Variants in COL16A1 observed in about 807,000 individuals in gnomAD.
COL16A1 encodes the protein collagen alpha-1(XVI) chain.
Under a neutral mutation model 266.3 loss-of-function variants are expected in COL16A1, and 189 were observed. The ratio of observed to expected loss-of-function variants is 0.71; its 90% CI spans 0.63 to 0.80. The LOEUF (loss-of-function observed/expected upper bound fraction) is 0.80. COL16A1 is among the 30% of genes least tolerant of loss of function. The pLI, the probability that COL16A1 is intolerant of heterozygous loss-of-function variation, is 0.00. For synonymous variants in COL16A1, 740 were observed against 782.3 expected, an observed-to-expected ratio of 0.95 and a Z score of 0.90; for missense variants, 1,928 against 2,122.4, an observed-to-expected ratio of 0.91 and a Z score of 1.80.
At chr1:31,677,660 GC>G (rs1643301071) in intron 42 of COL16A1, among the ~76,000 whole-genome samples, 1 of 152,210 alleles carries the variant, frequency 6.6e-6, no homozygotes, top group Admixed American at 6.5e-5. Context: ...AGATAACTAA[GC>G]ACTGGGACAA....
chr1:31,653,819 G>GC (rs1405696496), intron 69 of COL16A1, 48 bp downstream of exon 69: 5 of 1,582,592 alleles, frequency 3.2e-6, no homozygotes, highest in Non-Finnish European at 4.3e-6. Context: ...ACTTAGGCCT[G>GC]CCCCAAAGAA....
chr1:31,679,232 T>C, intron 42 of COL16A1: 1 of 604,808 alleles, frequency 1.7e-6, no homozygotes, highest in South Asian at 2.5e-5. Flanking sequence ...GCAGGGACTT[T>C]TATTTTTAGC....
chr1:31,684,396 C>G, intron 31 of COL16A1, 127 bp downstream of exon 31: 5 of 1,500,048 alleles, frequency 3.3e-6, no homozygotes, highest in Non-Finnish European at 4.4e-6. Context: ...CCCCGAGGAG[C>G]CTCCGCTCAG....
In COL16A1 at chr1:31,692,798, C is replaced by T. The variant is rs147540879; in HGVS notation, c.1082G>A (p.Cys361Tyr). 1.2e-4 allele frequency: 200 copies of T among 1,613,838 alleles called. No homozygotes were observed. The African/African-American group carries it at 1.8e-3, about 14-fold the overall frequency. Residue 361 changes from cysteine to tyrosine, a missense_variant, in exon 14 of 71, where the codon TGT (cysteine) becomes TAT (tyrosine). Cys to Tyr is a radical substitution (Grantham distance 194, BLOSUM62 -2). Transcript: ENST00000373672. ...TGGGGCATCCGGGGAGATTCGAACA[C>T]AGTCATTGCCCTGGGAGTAGGGAAC... is the stretch of plus-strand genomic sequence containing the variant. ...KGEKGARGND[C>Y]VRISPDAPLQ...
chr1:31,656,356 C>T lies in COL16A1; in HGVS notation c.4101+44G>A, dbSNP rs1270409285. 6.2e-7 allele frequency: 1 copy of T among 1,608,784 alleles called. No individual in the cohort carries two copies. On this transcript the variant is annotated intron_variant, in intron 66 of 70. Transcript: ENST00000373672. This position sits in a 1 kb window ranked among gnomAD's most constrained non-coding sequence, Gnocchi z 4.2. Reference sequence around the variant, plus strand: ...CCGTAACTTGCAGCTGGGCTTCATCCACTCGTGAGCTTCTCCTCTCAAGCC... The same window carrying T: ...CCGTAACTTGCAGCTGGGCTTCATCTACTCGTGAGCTTCTCCTCTCAAGCC...
chr1:31,674,413 G>T (rs573465965), intron 44 of COL16A1, among the ~76,000 whole-genome samples: 1 of 152,230 alleles, frequency 6.6e-6, no homozygotes, highest in East Asian at 1.9e-4. Context: ...ATTCCAATAG[G>T]AACTTCTGCT....
intron 66 of COL16A1, 22 bp from the exon 67 acceptor site, chr1:31,655,524 G>T: frequency 2.5e-6 from 4 of 1,611,608 alleles, no homozygotes; most frequent in Non-Finnish European, 3.4e-6. Flanking sequence ...GATACTTAGT[G>T]CTGTCAAATT....
rs961147176 is a variant in COL16A1 at position 31,656,525 on chromosome 1, C to A, written c.4057-81G>T. On this transcript the variant is annotated intron_variant, in intron 65 of 70. Transcript: ENST00000373672. The surrounding 1 kb of genome is among the most constrained non-coding windows in gnomAD (Gnocchi z 4.2). ...GGGGAGGCAGGTGCAGTGAAGAGGC[C>A]CCTTCCACAGCCTGAGGCCCCCAGG... 1.2e-5 allele frequency: 19 copies of A among 1,562,542 alleles called. No individual in the cohort carries two copies. In the African/African-American group the frequency reaches 2.3e-4, roughly 19 times the overall value.
chr1:31,701,336 A>G (rs1644716071), intron 2 of COL16A1: 1 of 985,276 alleles, frequency 1.0e-6, no homozygotes, highest in South Asian at 4.7e-5. Flanking sequence ...TCACGCACAC[A>G]CAAGCAGAAA....
Position 31,672,807 on chromosome 1 carries a change from C to A in COL16A1, c.2893G>T (p.Ala965Ser), listed in dbSNP as rs778849547. Residue 965 changes from alanine to serine, a missense_variant, in exon 45 of 71, where the codon GCC (alanine) becomes TCC (serine). By Grantham distance (99) the Ala-to-Ser change is moderately conservative. Around this residue, in one of 2 missense-constraint regions of COL16A1, gnomAD observed 1,552 missense variants for 1,637.2 expected, o/e 0.95. Transcript: ENST00000373672. ...TTCTCCACGAGGTACCCTGGGTGGG[C>A]CCTCTGCCCCTGGACACAGTCCCCG... The part of the protein sequence containing the change: ...ICGDCVQGQR[A>S]HPGYLVEKGE... The A allele has an allele frequency of 6.2e-7, 1 of 1,614,096 alleles. No homozygotes were observed. The highest frequency in any genetic ancestry group is 1.1e-5 in the South Asian group (1 of 91,084).
At position 31,662,416 on chromosome 1, in the gene COL16A1, T is replaced by G. The variant is rs1471649432; in HGVS notation, c.3628-29A>C. On this transcript the variant is annotated intron_variant, in intron 57 of 70. Coordinates refer to ENST00000373672, the MANE Select transcript of COL16A1 (RefSeq NM_001856.4). Reference sequence around the variant, plus strand: ...GAAACAGGAAAGAGGCATTTCTACATGCTGGTGCGGGAGCCCTAGGAGGTG... The same window carrying G: ...GAAACAGGAAAGAGGCATTTCTACAGGCTGGTGCGGGAGCCCTAGGAGGTG... The G allele has an allele frequency of 3.2e-6, 5 of 1,569,506 alleles. No homozygotes were observed. In the South Asian group the frequency reaches 5.6e-5, roughly 18 times the overall value.
chr1:31,699,741 C>A lies in COL16A1; in HGVS notation c.266+72G>T, dbSNP rs974255009. Reference sequence around the variant, plus strand: ...ACAGACAGGCCCCTGGGCTTAAGCCCCACATCTGGAGTTGCTGAGGAGTGT... The same window carrying A: ...ACAGACAGGCCCCTGGGCTTAAGCCACACATCTGGAGTTGCTGAGGAGTGT... On this transcript the variant is annotated intron_variant, in intron 4 of 70. Transcript: ENST00000373672. The A allele has an allele frequency of 2.2e-5, 22 of 1,002,434 alleles. No individual in the cohort carries two copies. The African/African-American group carries it at 3.2e-4, about 14-fold the overall frequency. 62.1% of individuals were successfully genotyped at this position (1,002,434 alleles called of 1,614,324 possible). A position where few individuals can be genotyped will look rare whatever the true frequency, so the allele number is the denominator to read the frequency against.
Position 31,683,202 on chromosome 1 carries a change from C to T in COL16A1, c.2461G>A (p.Gly821Ser). Residue 821 changes from glycine to serine, a missense_variant, in exon 36 of 71, where the codon GGT (glycine) becomes AGT (serine). Around this residue, in one of 2 missense-constraint regions of COL16A1, gnomAD observed 1,552 missense variants for 1,637.2 expected, o/e 0.95. Transcript: ENST00000373672. The stretch of plus-strand genomic sequence containing the variant: ...TGGAGGCAGAGGCTCACCTGGGCAC[C>T]CTTCTCTCCAGTGGGGCCAGGTGGT... ...RGPPGPTGEK[G>S]AQGSPGVKGA... 2 of 1,614,168 alleles carry T rather than the reference C, an allele frequency of 1.2e-6. No homozygotes were observed. Among genetic ancestry groups the T allele is most frequent in the East Asian group, 2.2e-5 (1 of 44,882 alleles).
chr1:31,674,004 A>G (rs1184667904), intron 44 of COL16A1, among the ~76,000 whole-genome samples: 2 of 152,244 alleles, frequency 1.3e-5, no homozygotes, highest in African/African-American at 4.8e-5. Flanking sequence ...TGACAGAAGC[A>G]GAGGGGAGAA....
chr1:31,652,559 C>CAA lies in COL16A1; in HGVS notation c.*90_*91dup, dbSNP rs964605624. 10 of 1,237,498 alleles carry CAA rather than the reference C, an allele frequency of 8.1e-6. No individual in the cohort carries two copies. Among genetic ancestry groups the CAA allele is most frequent in the African/African-American group, 6.1e-5 (4 of 65,108 alleles). 76.7% of individuals were successfully genotyped at this position (1,237,498 alleles called of 1,614,324 possible). A position where few individuals can be genotyped will look rare whatever the true frequency, so the allele number is the denominator to read the frequency against. Reference sequence around the variant, plus strand: ...CAGCAATTAAAAACAACAACAACAACAAAAAAAACATTCACAACCTGTCAC... The same window carrying CAA: ...CAGCAATTAAAAACAACAACAACAACAAAAAAAAAACATTCACAACCTGTCAC... On this transcript the variant is annotated 3_prime_UTR_variant, in exon 71 of 71. Coordinates refer to ENST00000373672, the MANE Select transcript of COL16A1 (RefSeq NM_001856.4). This position sits in a 1 kb window ranked among gnomAD's most constrained non-coding sequence, Gnocchi z 4.8.
intron 27 of COL16A1, 27 bp from the exon 28 acceptor site, chr1:31,686,162 G>A (rs1557671067): frequency 6.2e-7 from 1 of 1,614,000 alleles, no homozygotes; most frequent in East Asian, 2.2e-5. Context: ...TACAGGTAAT[G>A]CCCAGCATCT....
At chr1:31,683,921 C>G (rs376181421) in intron 33 of COL16A1, 29 bp downstream of exon 33, 3 of 1,613,800 alleles carry the variant, frequency 1.9e-6, no homozygotes, top group Non-Finnish European at 2.5e-6. Flanking sequence ...CACGTAGCTA[C>G]GGCCCAGGGC....
chr1:31,678,329 A>G (rs1250088331), intron 42 of COL16A1, among the ~76,000 whole-genome samples: 1 of 152,234 alleles, frequency 6.6e-6, no homozygotes, highest in East Asian at 1.9e-4. Flanking sequence ...AGCCAGACAC[A>G]CGGACAGTGG....
intron 23 of COL16A1, chr1:31,689,423 C>T: frequency 3.6e-6 from 2 of 561,966 alleles, no homozygotes; most frequent in South Asian, 2.2e-5. Context: ...TCCTCCACCC[C>T]CAAAACATAC....
Sources: allele counts gnomAD v4.1 joint callset (sites outside exome capture counted in the v4.1 genomes callset), GRCh38; gene constraint gnomAD v4.1.1; regional missense constraint gnomAD v4.1.1; non-coding constraint Gnocchi (gnomAD v3.1); transcripts MANE v1.5; gene names NCBI Gene and HGNC (gene_info 2026-07-23, HGNC 2026-07-21).